Variants in PTPRD observed in about 807,000 individuals in gnomAD.
The protein encoded by PTPRD is protein tyrosine phosphatase receptor type D, also known as receptor-type tyrosine-protein phosphatase delta.
A neutral mutation model predicts 214.5 loss-of-function variants in PTPRD; 34 were observed. That is an observed-to-expected ratio of 0.16 (90% confidence interval 0.12 to 0.21). The LOEUF (loss-of-function observed/expected upper bound fraction) is 0.21. PTPRD is among the 10% of genes least tolerant of loss of function. PTPRD has a pLI of 1.00. For missense variants in PTPRD, 2,545 were observed against 2,398.7 expected (o/e 1.06, Z -1.27); for synonymous variants, 1,128 against 845.7 (o/e 1.33, Z -5.79).
intron 2 of PTPRD, among the ~76,000 whole-genome samples, chr9:10,543,688 C>A (rs2059627765): frequency 6.6e-6 from 1 of 152,224 alleles, no homozygotes; most frequent in Non-Finnish European, 1.5e-5. Context: ...ATAGTAAACT[C>A]TAAGCTTTTG....
intron 10 of PTPRD, among the ~76,000 whole-genome samples, chr9:9,088,607 A>AAAAAAAAAAAAG (rs1569536884): frequency 7.4e-5 from 11 of 148,664 alleles, no homozygotes; most frequent in Admixed American, 2.0e-4. Flanking sequence ...AAAAAAAAAA[A>AAAAAAAAAAAAG]AAGAAGTCTG....
chr9:10,598,125 T>C (rs2077030055), intron 2 of PTPRD, among the ~76,000 whole-genome samples: 1 of 150,452 alleles, frequency 6.6e-6, no homozygotes, highest in Non-Finnish European at 1.5e-5. Context: ...TCCAGTTTTC[T>C]AAATGTAGAA....
At chr9:8,488,657 C>A (rs1453003778) in intron 27 of PTPRD, among the ~76,000 whole-genome samples, 1 of 152,204 alleles carries the variant, frequency 6.6e-6, no homozygotes, top group African/African-American at 2.4e-5. Flanking sequence ...AATATATTTA[C>A]AATTATCTTA....
intron 11 of PTPRD, among the ~76,000 whole-genome samples, chr9:8,773,734 G>C (rs1490971861): frequency 2.0e-5 from 3 of 152,092 alleles, no homozygotes; most frequent in Non-Finnish European, 4.4e-5. Context: ...TGTCTACTTT[G>C]CTAGCTAATC....
At position 8,628,846 on chromosome 9, in the gene PTPRD, C is replaced by T. The variant is rs955545762; in HGVS notation, c.352+4471G>A. 6.8e-4 allele frequency among the ~76,000 whole-genome samples: 103 copies of T among 151,860 alleles called. 1 individual carries two copies. Among genetic ancestry groups the T allele is most frequent in the Admixed American group, 4.6e-3 (70 of 15,196 alleles). ...GAAATATATTTGCTAAACTAGGTAA[C>T]TAAAATGCCTCATATCTGGTAAACT... On this transcript the variant is annotated intron_variant, in intron 14 of 45. Coordinates refer to ENST00000381196, the MANE Select transcript of PTPRD (RefSeq NM_002839.4).
chr9:10,034,431 T>A (rs1018058676), intron 3 of PTPRD, among the ~76,000 whole-genome samples: 9 of 146,828 alleles, frequency 6.1e-5, no homozygotes, highest in Admixed American at 5.5e-4. Context: ...TTTTTTTTTT[T>A]AAGAACTTTT....
chr9:10,313,094 T>A (rs915434136), intron 3 of PTPRD, among the ~76,000 whole-genome samples: 1 of 151,744 alleles, frequency 6.6e-6, no homozygotes, highest in East Asian at 1.9e-4. Context: ...CTGTTAGCAA[T>A]CTCCATAGGC....
At chr9:10,525,298 A>T (rs939731378) in intron 2 of PTPRD, among the ~76,000 whole-genome samples, 2 of 152,082 alleles carry the variant, frequency 1.3e-5, no homozygotes, top group African/African-American at 4.8e-5. Flanking sequence ...TATTTCAGAT[A>T]AAAGTCTCCC....
At chr9:10,177,721 A>G (rs888668181) in intron 3 of PTPRD, among the ~76,000 whole-genome samples, 4 of 151,758 alleles carry the variant, frequency 2.6e-5, no homozygotes, top group African/African-American at 9.7e-5. Context: ...CTCTTTTTGA[A>G]TTGGGGTATG....
chr9:10,347,691 T>A (rs1328306693), intron 2 of PTPRD, among the ~76,000 whole-genome samples: 6 of 151,918 alleles, frequency 3.9e-5, no homozygotes, highest in African/African-American at 1.4e-4. Flanking sequence ...ATTACAGGCG[T>A]GAGTCACTGC....
intron 2 of PTPRD, among the ~76,000 whole-genome samples, chr9:10,511,271 C>A (rs2047915961): frequency 6.6e-6 from 1 of 152,144 alleles, no homozygotes; most frequent in South Asian, 2.1e-4. Flanking sequence ...CTAATTCTCT[C>A]AGATAAATAC....
In PTPRD at chr9:9,656,094, G is replaced by A. The variant is rs545757165; in HGVS notation, c.-287+78439C>T. ...CGGTACCACTACGATCTATTCCCAT[G>A]GGGAAAATCCAAAACACTGACAACA... On this transcript the variant is annotated intron_variant, in intron 7 of 45. Transcript: ENST00000381196. Among the ~76,000 whole-genome samples the A allele has an allele frequency of 7.2e-5, 11 of 152,272 alleles. No individual in the cohort carries two copies. In the South Asian group the frequency reaches 2.3e-3, roughly 32 times the overall value.
chr9:10,018,356 T>A (rs913884287), intron 4 of PTPRD, among the ~76,000 whole-genome samples: 2 of 152,082 alleles, frequency 1.3e-5, no homozygotes, highest in Admixed American at 1.3e-4. Flanking sequence ...AGGCAGACTT[T>A]CTCAGTGTAT....
At chr9:10,258,625 G>A (rs1219853052) in intron 3 of PTPRD, among the ~76,000 whole-genome samples, 1 of 152,186 alleles carries the variant, frequency 6.6e-6, no homozygotes, top group Admixed American at 6.5e-5. Flanking sequence ...ACTCACTGCT[G>A]TATCTTTATC....
intron 2 of PTPRD, among the ~76,000 whole-genome samples, chr9:10,385,052 C>T (rs551374874): frequency 3.3e-5 from 5 of 151,792 alleles, no homozygotes; most frequent in Non-Finnish European, 5.9e-5. Context: ...CCATTCCTAA[C>T]CTTACGGGTT....
At chr9:8,524,528 C>A (rs1393380105) in intron 18 of PTPRD, among the ~76,000 whole-genome samples, 1 of 151,942 alleles carries the variant, frequency 6.6e-6, no homozygotes, top group African/African-American at 2.4e-5. Flanking sequence ...TGGAATTGCA[C>A]AGAGAACTGA....
intron 11 of PTPRD, among the ~76,000 whole-genome samples, chr9:8,833,811 A>T (rs1358385579): frequency 6.6e-6 from 1 of 151,684 alleles, no homozygotes; most frequent in African/African-American, 2.4e-5. Flanking sequence ...TTTGAAAAAC[A>T]ACTGTATTTC....
At chr9:9,089,230 T>C (rs1292675030) in intron 10 of PTPRD, among the ~76,000 whole-genome samples, 3 of 152,146 alleles carry the variant, frequency 2.0e-5, no homozygotes, top group Non-Finnish European at 4.4e-5. Context: ...TGTAAATGTT[T>C]AGAGAATAAA....
rs369089470 is a variant in PTPRD, at chr9:10,164,463, T to C, written c.-544-130673A>G. Among the ~76,000 whole-genome samples the C allele has an allele frequency of 3.2e-4, 48 of 151,676 alleles. 1 individual carries two copies. Among genetic ancestry groups the C allele is most frequent in the African/African-American group, 1.1e-3 (44 of 41,534 alleles). ...GCCAATGTCTTTCCATTGAGTTTGT[T>C]TGATGTTACCTGAAAAAAAAAATCT... is the stretch of plus-strand genomic sequence containing the variant. On this transcript the variant is annotated intron_variant, in intron 3 of 45. Transcript: ENST00000381196.
Sources: gnomAD v4.1 joint callset for allele counts (sites outside exome capture counted in the v4.1 genomes callset) on GRCh38, gnomAD v4.1.1 for gene constraint, MANE v1.5 for transcripts, NCBI Gene and HGNC (gene_info 2026-07-23, HGNC 2026-07-21) for gene names.